Variants in ASIC2 observed in about 807,000 individuals in gnomAD.
ASIC2 encodes acid-sensing ion channel 2.
ASIC2 carries 25 observed loss-of-function variants against 57.3 expected under a neutral mutation model. The observed-to-expected ratio is 0.44, with a 90% CI of 0.32 to 0.61. The LOEUF (loss-of-function observed/expected upper bound fraction) is 0.61, where lower values mean the gene tolerates loss of function less well. ASIC2 is among the 20% of genes least tolerant of loss of function. The pLI, the probability that ASIC2 is intolerant of heterozygous loss-of-function variation, is 0.06. For synonymous variants in ASIC2, 319 were observed against 307.5 expected, an observed-to-expected ratio of 1.04 and a Z score of -0.39; for missense variants, 641 against 738.1, an observed-to-expected ratio of 0.87 and a Z score of 1.52.
chr17:33,557,635 A>G (rs908988374), intron 1 of ASIC2, among the ~76,000 whole-genome samples: 2 of 152,208 alleles, frequency 1.3e-5, no homozygotes, highest in Non-Finnish European at 2.9e-5. Flanking sequence ...AAAACTAAAA[A>G]TGAAACTCAG....
At chr17:33,378,940 C>T (rs932641083) in intron 1 of ASIC2, among the ~76,000 whole-genome samples, 1 of 152,182 alleles carries the variant, frequency 6.6e-6, no homozygotes. Flanking sequence ...AGTGACTTAA[C>T]CTCTCTGGGT....
intron 7 of ASIC2, among the ~76,000 whole-genome samples, chr17:33,018,625 G>T (rs2091820138): frequency 6.6e-6 from 1 of 152,232 alleles, no homozygotes; most frequent in African/African-American, 2.4e-5. Flanking sequence ...AGAGCCGAGG[G>T]CTCTGAGGCT....
At chr17:33,717,238 G>A (rs1909251812) in intron 1 of ASIC2, among the ~76,000 whole-genome samples, 2 of 152,228 alleles carry the variant, frequency 1.3e-5, no homozygotes, top group African/African-American at 4.8e-5. Flanking sequence ...TTACTGCTCT[G>A]ACAGCTTTCA....
chr17:33,515,547 G>T (rs888334690), intron 1 of ASIC2, among the ~76,000 whole-genome samples: 4 of 152,238 alleles, frequency 2.6e-5, no homozygotes, highest in African/African-American at 4.8e-5. Context: ...GGAATGTGAA[G>T]TGTTAGCAGA....
chr17:34,124,746 G>C (rs1469016311), intron 1 of ASIC2, among the ~76,000 whole-genome samples: 1 of 151,988 alleles, frequency 6.6e-6, no homozygotes, highest in Non-Finnish European at 1.5e-5. Flanking sequence ...TGTGACATTC[G>C]CACATCATGG....
chr17:33,432,863 A>G (rs543891279), intron 1 of ASIC2, among the ~76,000 whole-genome samples: 1 of 152,222 alleles, frequency 6.6e-6, no homozygotes, highest in Non-Finnish European at 1.5e-5. Flanking sequence ...ATACCATCTC[A>G]CACCAGTTAG....
chr17:33,187,211 T>C (rs1352457561), intron 1 of ASIC2, among the ~76,000 whole-genome samples: 2 of 152,176 alleles, frequency 1.3e-5, no homozygotes, highest in Non-Finnish European at 2.9e-5. Flanking sequence ...TCAGTTCTTC[T>C]CCATGACAAC....
intron 1 of ASIC2, among the ~76,000 whole-genome samples, chr17:33,139,270 C>T (rs990101570): frequency 6.6e-6 from 1 of 152,294 alleles, no homozygotes; most frequent in South Asian, 2.1e-4. Context: ...GACTTACCTC[C>T]CTAAACTCTC....
At chr17:33,741,815 AGCCCCTGAG>A (rs1357172706) in intron 1 of ASIC2, among the ~76,000 whole-genome samples, 1 of 152,182 alleles carries the variant, frequency 6.6e-6, no homozygotes, top group Non-Finnish European at 1.5e-5. Flanking sequence ...ACATTCAGAT[AGCCCCTGAG>A]GCCACCATGC....
At chr17:33,387,229 GACA>G (rs1320769056) in intron 1 of ASIC2, among the ~76,000 whole-genome samples, 1 of 152,150 alleles carries the variant, frequency 6.6e-6, no homozygotes, top group East Asian at 1.9e-4. Flanking sequence ...AACAAAGCTA[GACA>G]ACAAGTACTC....
chr17:33,347,328 G>A, intron 1 of ASIC2, among the ~76,000 whole-genome samples: 1 of 152,194 alleles, frequency 6.6e-6, no homozygotes, highest in South Asian at 2.1e-4. Flanking sequence ...TTGCCTCTGA[G>A]TATGTGTGTA....
intron 1 of ASIC2, among the ~76,000 whole-genome samples, chr17:33,894,404 C>T (rs1009300740): frequency 2.6e-5 from 4 of 151,282 alleles, no homozygotes; most frequent in Non-Finnish European, 5.9e-5. Context: ...CTCTGGGCCT[C>T]ATGATGTTCC....
intron 1 of ASIC2, chr17:34,039,304 T>C: frequency 6.2e-7 from 1 of 1,613,962 alleles, no homozygotes; most frequent in Non-Finnish European, 8.5e-7. Flanking sequence ...ATGCTCTGTG[T>C]TGCCAGATCC....
chr17:33,858,586 C>T (rs1035000185), intron 1 of ASIC2, among the ~76,000 whole-genome samples: 3 of 152,216 alleles, frequency 2.0e-5, no homozygotes, highest in African/African-American at 7.2e-5. Flanking sequence ...GAGCCGCCAG[C>T]GGGACATCTC....
intron 1 of ASIC2, among the ~76,000 whole-genome samples, chr17:33,616,398 A>G (rs1905605494): frequency 6.6e-6 from 1 of 152,218 alleles, no homozygotes. Flanking sequence ...TCGTGAAGCC[A>G]TAGTTTAATG....
chr17:33,072,460 C>T (rs546767688), intron 3 of ASIC2, among the ~76,000 whole-genome samples: 1 of 152,306 alleles, frequency 6.6e-6, no homozygotes, highest in Non-Finnish European at 1.5e-5. Flanking sequence ...ATACCAATAA[C>T]AATAACACTA....
At chr17:33,488,087 G>C (rs1913632528) in intron 1 of ASIC2, among the ~76,000 whole-genome samples, 1 of 152,200 alleles carries the variant, frequency 6.6e-6, no homozygotes, top group Non-Finnish European at 1.5e-5. Flanking sequence ...TAATACAGTT[G>C]TTGTGGACAA....
At chr17:33,066,881 C>T (rs1333624607) in intron 3 of ASIC2, among the ~76,000 whole-genome samples, 2 of 152,058 alleles carry the variant, frequency 1.3e-5, no homozygotes, top group African/African-American at 2.4e-5. Context: ...TCAAGGTGCC[C>T]CAGAATACTC....
chr17:33,035,524 T>A (rs2091905655), intron 3 of ASIC2, among the ~76,000 whole-genome samples: 1 of 152,224 alleles, frequency 6.6e-6, no homozygotes. Flanking sequence ...CATGGAGACA[T>A]TATTTAAGGC....
Sources: allele counts gnomAD v4.1 joint callset (sites outside exome capture counted in the v4.1 genomes callset), GRCh38; gene constraint gnomAD v4.1.1; transcripts MANE v1.5; gene names NCBI Gene and HGNC (gene_info 2026-07-23, HGNC 2026-07-21).